PPCDC: variants seen among roughly 807,000 people sequenced by gnomAD.
PPCDC encodes the protein phosphopantothenoylcysteine decarboxylase.
PPCDC carries 20 observed loss-of-function variants against 20.7 expected under a neutral mutation model. The observed-to-expected ratio is 0.97, with a 90% CI of 0.68 to 1.41. The LOEUF is 1.41. Among genes scored for constraint, PPCDC ranks in the 40% most tolerant of loss-of-function variants. PPCDC has a pLI of 0.00. For synonymous variants in PPCDC, 88 were observed against 100.3 expected (o/e 0.88, Z 0.73); for missense variants, 246 against 263.8 (o/e 0.93, Z 0.47).
At chr15:75,027,232 C>T (rs992732893) in intron 1 of PPCDC, among the ~76,000 whole-genome samples, 1 of 152,196 alleles carries the variant, frequency 6.6e-6, no homozygotes, top group African/African-American at 2.4e-5. Flanking sequence ...TCCCCAGAGG[C>T]AGCTACTGTG....
chr15:75,034,970 G>A (rs976011107), intron 2 of PPCDC, among the ~76,000 whole-genome samples: 1 of 151,962 alleles, frequency 6.6e-6, no homozygotes, highest in African/African-American at 2.4e-5. Flanking sequence ...TGTGCTATCC[G>A]ATAAATGTAA....
At chr15:75,030,757 TC>T (rs1394693090) in intron 2 of PPCDC, among the ~76,000 whole-genome samples, 2 of 152,136 alleles carry the variant, frequency 1.3e-5, no homozygotes, top group Non-Finnish European at 2.9e-5. Flanking sequence ...CTTAGGTACA[TC>T]CAGATTTTGT....
intron 2 of PPCDC, among the ~76,000 whole-genome samples, chr15:75,041,377 C>G (rs1468011663): frequency 6.6e-6 from 1 of 152,144 alleles, no homozygotes; most frequent in Non-Finnish European, 1.5e-5. Flanking sequence ...TGCTTGTAAT[C>G]CTAGCACTTT....
intron 1 of PPCDC, among the ~76,000 whole-genome samples, chr15:75,027,813 C>G (rs2065975050): frequency 1.3e-5 from 2 of 152,214 alleles, no homozygotes; most frequent in South Asian, 4.1e-4. Context: ...TCTACCACCC[C>G]CCATCACAGT....
intron 2 of PPCDC, among the ~76,000 whole-genome samples, chr15:75,034,997 C>A (rs549178203): frequency 6.6e-6 from 1 of 150,582 alleles, no homozygotes; most frequent in Admixed American, 6.7e-5. Context: ...ATGTGGCAGC[C>A]GCTTGCCACA....
At chr15:75,049,017 C>T in intron 5 of PPCDC, 133 bp from the exon 6 acceptor site, 1 of 895,886 alleles carries the variant, frequency 1.1e-6, no homozygotes. Context: ...TCTGATGTGT[C>T]TGGCTCAGGC....
At chr15:75,034,556 G>A (rs943294236) in intron 2 of PPCDC, among the ~76,000 whole-genome samples, 19 of 152,126 alleles carry the variant, frequency 1.2e-4, no homozygotes, top group Admixed American at 1.2e-3. Flanking sequence ...TGTGCCAACC[G>A]CACTGGGCCC....
chr15:75,027,071 A>G (rs1019867039), intron 1 of PPCDC, among the ~76,000 whole-genome samples: 3 of 152,170 alleles, frequency 2.0e-5, no homozygotes, highest in East Asian at 1.9e-4. Context: ...CCGGTCACAC[A>G]TTCAGGGAGC....
intron 2 of PPCDC, among the ~76,000 whole-genome samples, chr15:75,036,383 A>G (rs981916076): frequency 6.6e-6 from 1 of 152,250 alleles, no homozygotes; most frequent in Non-Finnish European, 1.5e-5. Flanking sequence ...ACATCCCTCT[A>G]AAACCAGAAA....
At chr15:75,046,920 G>A (rs2066243301) in intron 4 of PPCDC, among the ~76,000 whole-genome samples, 1 of 152,280 alleles carries the variant, frequency 6.6e-6, no homozygotes, top group Non-Finnish European at 1.5e-5. Context: ...TGGGTCACCA[G>A]TCTGGCTAGG....
intron 2 of PPCDC, among the ~76,000 whole-genome samples, chr15:75,034,982 T>C (rs1441127049): frequency 6.6e-6 from 1 of 152,172 alleles, no homozygotes; most frequent in African/African-American, 2.4e-5. Context: ...TAAATGTAAA[T>C]TTGAATGTGG....
chr15:75,048,558 C>T lies in PPCDC; in HGVS notation c.366C>T (p.Cys122=), dbSNP rs778631093. The T allele has an allele frequency of 6.9e-5, 111 of 1,613,540 alleles. 1 individual carries two copies. In the East Asian group the frequency reaches 1.8e-3, roughly 26 times the overall value. Residue 122 remains cysteine, a synonymous_variant, in exon 5 of 6, where the codon TGC becomes TGT. Transcript: ENST00000342932. ...ASGICDNLLT[C]VMRAWDRSKP... is the part of the protein sequence containing the mutation. ...TTCCCTGGCCTTCTTCACAGACCTG[C>T]GTCATGCGGGCCTGGGACCGCAGCA...
rs760412025 is a variant in PPCDC at position 75,049,259 on chromosome 15, C to A, written c.*24C>A. Reference sequence around the variant, plus strand: ...GACCTGGGATTTCTGTCATGGGTGTCCCTCTGTACTCAGAATGGGTTCAGG... The same window carrying A: ...GACCTGGGATTTCTGTCATGGGTGTACCTCTGTACTCAGAATGGGTTCAGG... On this transcript the variant is annotated 3_prime_UTR_variant, in exon 6 of 6. Transcript: ENST00000342932. 1 of 1,604,874 alleles carries A rather than the reference C, an allele frequency of 6.2e-7. No individual in the cohort carries two copies. The highest frequency in any genetic ancestry group is 2.2e-5 in the East Asian group (1 of 44,846).
chr15:75,029,027 A>G (rs1033448806), intron 2 of PPCDC, among the ~76,000 whole-genome samples: 3 of 152,038 alleles, frequency 2.0e-5, no homozygotes, highest in Non-Finnish European at 2.9e-5. Flanking sequence ...CCTTGGCCAG[A>G]CCCTCAACTT....
chr15:75,047,519 C>G (rs1383224125), intron 4 of PPCDC, among the ~76,000 whole-genome samples: 1 of 152,180 alleles, frequency 6.6e-6, no homozygotes, highest in Admixed American at 6.5e-5. Flanking sequence ...CTGAGGAGCT[C>G]ACAGCCCTGG....
Position 75,050,303 on chromosome 15 carries a change from AGCTTTGCTGGACCT to A in PPCDC, c.*1070_*1083del, listed in dbSNP as rs1388721894. The A allele has an allele frequency of 1.3e-5, 2 of 152,246 alleles. No individual in the cohort carries two copies. Among genetic ancestry groups the A allele is most frequent in the African/African-American group, 4.8e-5 (2 of 41,408 alleles). The allele number at this position is 152,246 out of a possible 1,614,324, so 9.4% of individuals were successfully genotyped here. On this transcript the variant is annotated 3_prime_UTR_variant, in exon 6 of 6. Coordinates refer to ENST00000342932, the MANE Select transcript of PPCDC (RefSeq NM_021823.5). ...TGGTTTCCTCTGTTCTCATCCTTTC[AGCTTTGCTGGACCT>A]GAGGCAGGGGCCTGGGTGTCTGTGC...
At chr15:75,036,304 A>T (rs770554633) in intron 2 of PPCDC, among the ~76,000 whole-genome samples, 1 of 152,240 alleles carries the variant, frequency 6.6e-6, no homozygotes, top group Non-Finnish European at 1.5e-5. Context: ...CTTGGCTCCC[A>T]GGACCTTTTG....
At chr15:75,032,957 C>T (rs2066041716) in intron 2 of PPCDC, among the ~76,000 whole-genome samples, 1 of 152,044 alleles carries the variant, frequency 6.6e-6, no homozygotes, top group Non-Finnish European at 1.5e-5. Context: ...TGCCATCACA[C>T]TCTGCTAATT....
intron 2 of PPCDC, among the ~76,000 whole-genome samples, chr15:75,037,199 A>G (rs1361746621): frequency 6.6e-6 from 1 of 152,224 alleles, no homozygotes; most frequent in East Asian, 1.9e-4. Context: ...GAGCAGAAGC[A>G]GGCAGTGTAT....
Sources: allele counts gnomAD v4.1 joint callset (sites outside exome capture counted in the v4.1 genomes callset), GRCh38; gene constraint gnomAD v4.1.1; transcripts MANE v1.5; gene names NCBI Gene and HGNC (gene_info 2026-07-23, HGNC 2026-07-21).